The following ANTXR1 variants were observed in gnomAD, a reference collection of about 807,000 sequenced individuals.
The protein encoded by ANTXR1 is anthrax toxin receptor 1.
In ANTXR1, 19 loss-of-function variants were observed where a neutral mutation model predicts 78.1. The ratio of observed to expected loss-of-function variants is 0.24; its 90% CI spans 0.17 to 0.36. The LOEUF (loss-of-function observed/expected upper bound fraction) is 0.36, where lower values mean the gene tolerates loss of function less well. Ranked by LOEUF, ANTXR1 falls within the 10% of genes least tolerant of loss-of-function variation. The pLI is 1.00. For synonymous variants in ANTXR1, 273 were observed against 260.5 expected (o/e 1.05, Z -0.46); for missense variants, 518 against 718.6 (o/e 0.72, Z 3.19).
chr2:69,097,473 T>G (rs1316793187), intron 9 of ANTXR1, among the ~76,000 whole-genome samples: 1 of 152,246 alleles, frequency 6.6e-6, no homozygotes, highest in African/African-American at 2.4e-5. Context: ...ACAGACACAT[T>G]CAAGCAACAT....
At chr2:69,138,395 AAGTCACCCCAG>A (rs1218439849) in intron 12 of ANTXR1, among the ~76,000 whole-genome samples, 1 of 152,162 alleles carries the variant, frequency 6.6e-6, no homozygotes, top group Admixed American at 6.5e-5. Context: ...ACTAAATTAC[AAGTCACCCCAG>A]AGTCATTACG....
chr2:69,046,078 G>A (rs777411512), intron 3 of ANTXR1, among the ~76,000 whole-genome samples: 14 of 152,078 alleles, frequency 9.2e-5, no homozygotes, highest in Non-Finnish European at 1.9e-4. Flanking sequence ...TCCTCATCTT[G>A]CTCAGTCTTT....
At chr2:69,106,321 T>C (rs78794592) in intron 10 of ANTXR1, among the ~76,000 whole-genome samples, 5,430 of 152,232 alleles carry the variant, frequency 0.036, 317 homozygotes, top group African/African-American at 0.12. Flanking sequence ...GATCCAAAAA[T>C]CTGGATGAAA....
intron 10 of ANTXR1, among the ~76,000 whole-genome samples, chr2:69,104,260 G>T (rs1558551158): frequency 1.3e-5 from 2 of 152,026 alleles, no homozygotes; most frequent in African/African-American, 2.4e-5. Flanking sequence ...TTTGAAGGAG[G>T]TTATCTTGTT....
At chr2:69,192,459 G>A (rs543746887) in intron 16 of ANTXR1, among the ~76,000 whole-genome samples, 6 of 151,968 alleles carry the variant, frequency 3.9e-5, no homozygotes, top group Admixed American at 6.6e-5. Flanking sequence ...GCTTCTATCC[G>A]CACATCTCCT....
At chr2:69,109,289 A>T (rs1181352758) in intron 10 of ANTXR1, among the ~76,000 whole-genome samples, 2 of 152,246 alleles carry the variant, frequency 1.3e-5, no homozygotes, top group Non-Finnish European at 2.9e-5. Context: ...TGAGTATTGT[A>T]AAGATATCAA....
intron 1 of ANTXR1, among the ~76,000 whole-genome samples, chr2:69,026,939 G>T (rs532144653): frequency 2.6e-5 from 4 of 152,310 alleles, no homozygotes; most frequent in Middle Eastern, 6.8e-3. Context: ...CAACACATGC[G>T]TTAGAAATTC....
At chr2:69,166,143 A>C (rs952605504) in intron 13 of ANTXR1, among the ~76,000 whole-genome samples, 1 of 152,210 alleles carries the variant, frequency 6.6e-6, no homozygotes, top group Non-Finnish European at 1.5e-5. Context: ...AGTGCACATA[A>C]AAACTGGAAT....
intron 17 of ANTXR1, among the ~76,000 whole-genome samples, chr2:69,226,164 C>A (rs920439142): frequency 3.9e-5 from 6 of 152,180 alleles, no homozygotes; most frequent in African/African-American, 1.2e-4. Flanking sequence ...ACCACGAGCA[C>A]CCCCACTCAT....
At chr2:69,045,720 T>C (rs1490501637) in intron 3 of ANTXR1, among the ~76,000 whole-genome samples, 1 of 152,182 alleles carries the variant, frequency 6.6e-6, no homozygotes, top group Non-Finnish European at 1.5e-5. Context: ...CTATTTTTTT[T>C]CCCATGACTT....
intron 12 of ANTXR1, among the ~76,000 whole-genome samples, chr2:69,125,624 T>C (rs1672508783): frequency 6.6e-6 from 1 of 152,146 alleles, no homozygotes; most frequent in Non-Finnish European, 1.5e-5. Context: ...ATGGATCACT[T>C]GAGCCCAGGA....
At chr2:69,035,764 C>T (rs1164483610) in intron 1 of ANTXR1, among the ~76,000 whole-genome samples, 3 of 152,210 alleles carry the variant, frequency 2.0e-5, no homozygotes, top group African/African-American at 7.2e-5. Context: ...TGCCTTTTTG[C>T]CTCCAGTTTT....
At chr2:69,214,718 A>C (rs1675135737) in intron 17 of ANTXR1, among the ~76,000 whole-genome samples, 1 of 152,180 alleles carries the variant, frequency 6.6e-6, no homozygotes, top group Non-Finnish European at 1.5e-5. Flanking sequence ...TAGGAGAAAA[A>C]GTAGACCTTC....
chr2:69,214,730 T>C (rs2104502708), intron 17 of ANTXR1, among the ~76,000 whole-genome samples: 1 of 152,344 alleles, frequency 6.6e-6, no homozygotes, highest in African/African-American at 2.4e-5. Flanking sequence ...TAGACCTTCC[T>C]TGAACTAGTC....
intron 4 of ANTXR1, 24 bp downstream of exon 4, chr2:69,070,752 C>T (rs779736467): frequency 6.2e-7 from 1 of 1,602,576 alleles, no homozygotes; most frequent in South Asian, 1.1e-5. Flanking sequence ...AGTTTGAAAT[C>T]CAAATATAAA....
At chr2:69,031,996 C>A (rs992942497) in intron 1 of ANTXR1, among the ~76,000 whole-genome samples, 1 of 151,434 alleles carries the variant, frequency 6.6e-6, no homozygotes, top group African/African-American at 2.4e-5. Context: ...AAATATTACC[C>A]CCATTATGTA....
intron 14 of ANTXR1, among the ~76,000 whole-genome samples, chr2:69,177,828 C>G (rs1674173239): frequency 6.6e-6 from 1 of 152,216 alleles, no homozygotes; most frequent in Non-Finnish European, 1.5e-5. Flanking sequence ...ACCCCCACCA[C>G]TCGGGGGGAT....
chr2:69,188,485 T>A (rs72901399), intron 16 of ANTXR1, among the ~76,000 whole-genome samples: 1 of 152,226 alleles, frequency 6.6e-6, no homozygotes, highest in African/African-American at 2.4e-5. Context: ...AGAGTTTACA[T>A]AGAACTTCCA....
intron 17 of ANTXR1, among the ~76,000 whole-genome samples, chr2:69,215,766 C>T (rs535660801): frequency 2.0e-5 from 3 of 152,174 alleles, no homozygotes; most frequent in Non-Finnish European, 4.4e-5. Context: ...CAAAAGGCCA[C>T]ATTTCTCTAG....
Sources: gnomAD v4.1 joint callset for allele counts (sites outside exome capture counted in the v4.1 genomes callset) on GRCh38, gnomAD v4.1.1 for gene constraint, MANE v1.5 for transcripts, NCBI Gene and HGNC (gene_info 2026-07-23, HGNC 2026-07-21) for gene names.